Variants in MELTF observed in about 807,000 individuals in gnomAD.
MELTF encodes the protein antigen p97 (melanoma associated) identified by monoclonal antibodies 133.2 and 96.5.
In MELTF, 67 loss-of-function variants were observed where a neutral mutation model predicts 83.7. The ratio of observed to expected loss-of-function variants is 0.80; its 90% CI spans 0.66 to 0.98. MELTF has a LOEUF of 0.98. Among genes scored for constraint, MELTF ranks in the 50% least tolerant of loss-of-function variants. The probability of loss-of-function intolerance (pLI) is 0.00; values close to 1 mark genes in which losing one functional copy is unlikely to be tolerated. For synonymous variants in MELTF, 462 were observed against 447.6 expected, an observed-to-expected ratio of 1.03 and a Z score of -0.41; for missense variants, 1,002 against 1,035.6, an observed-to-expected ratio of 0.97 and a Z score of 0.44.
rs1280178585 is a variant in MELTF, at chr3:197,007,902, C to T, written c.1750+755G>A. On this transcript the variant is annotated intron_variant, in intron 13 of 15. Coordinates refer to ENST00000296350, the MANE Select transcript of MELTF (RefSeq NM_005929.6). This position sits in a 1 kb window ranked among gnomAD's most constrained non-coding sequence, Gnocchi z 4.3. ...TCTATAGGAGGAGACATGTTGGGAG[C>T]GAGTGGAGAAGACTGGGCCTCCAGC... Among the ~76,000 whole-genome samples, 2 of 152,124 alleles carry T rather than the reference C, an allele frequency of 1.3e-5. No homozygotes were observed. Among genetic ancestry groups the T allele is most frequent in the Admixed American group, 6.5e-5 (1 of 15,288 alleles).
rs920931154 is a variant in MELTF, at chr3:197,018,919, C to T, written c.713-1629G>A. 14 of 983,826 alleles carry T rather than the reference C, an allele frequency of 1.4e-5. No homozygotes were observed. In the South Asian group the frequency reaches 1.9e-4, roughly 13 times the overall value. 60.9% of individuals were successfully genotyped at this position (983,826 alleles called of 1,614,324 possible). A position where few individuals can be genotyped will look rare whatever the true frequency, so the allele number is the denominator to read the frequency against. On this transcript the variant is annotated intron_variant, in intron 6 of 15. Coordinates refer to ENST00000296350, the MANE Select transcript of MELTF (RefSeq NM_005929.6). ...ACACCAAACAGGGATATTGAGAAGA[C>T]GAATATTAAGGACTATAATTAAACC...
At chr3:197,019,000 C>T (rs1325559091) in intron 6 of MELTF, 27 of 985,166 alleles carry the variant, frequency 2.7e-5, no homozygotes, top group Admixed American at 6.2e-5. Context: ...AGGAAAAAAA[C>T]CTCTACAAGG....
Position 197,015,398 on chromosome 3 carries a change from G to C in MELTF, c.1200C>G (p.Ala400=), listed in dbSNP as rs886435220. Residue 400 remains alanine, a synonymous_variant, in exon 9 of 16, where the codon GCC becomes GCG. Coordinates refer to ENST00000296350, the MANE Select transcript of MELTF (RefSeq NM_005929.6). The part of the protein sequence containing the change: ...RLKPEIQCVS[A]KSPQHCMERI... ...GCTCCATGCAGTGTTGGGGGGACTT[G>C]GCTGACACGCACTGGATCTCTGGCT... is the stretch of plus-strand genomic sequence containing the variant. 5 of 1,580,168 alleles carry C rather than the reference G, an allele frequency of 3.2e-6. No individual in the cohort carries two copies. The highest frequency in any genetic ancestry group is 4.3e-6 in the Non-Finnish European group (5 of 1,163,678).
At position 197,006,861 on chromosome 3, in the gene MELTF, C is replaced by G. The variant is rs940061622; in HGVS notation, c.1751-125G>C. ...AGGTGGCAACATCTGGCCAGCTCCC[C>G]AACCCTCTCCATTCTCCACGTGCTC... On this transcript the variant is annotated intron_variant, in intron 13 of 15. Coordinates refer to ENST00000296350, the MANE Select transcript of MELTF (RefSeq NM_005929.6). The surrounding 1 kb of genome is among the most constrained non-coding windows in gnomAD (Gnocchi z 5.4). 1.1e-5 allele frequency: 9 copies of G among 820,196 alleles called. No individual in the cohort carries two copies. The highest frequency in any genetic ancestry group is 1.6e-5 in the Non-Finnish European group (9 of 570,148). The allele number at this position is 820,196 out of a possible 1,614,324, so 50.8% of individuals were successfully genotyped here.
chr3:197,006,459 G>T lies in MELTF; in HGVS notation c.1938+90C>A. The T allele has an allele frequency of 3.4e-6, 4 of 1,181,912 alleles. No homozygotes were observed. The Admixed American group carries it at 9.2e-5, about 27-fold the overall frequency. The allele number at this position is 1,181,912 out of a possible 1,614,324, so 73.2% of individuals were successfully genotyped here. A position where few individuals can be genotyped will look rare whatever the true frequency, so the allele number is the denominator to read the frequency against. Reference sequence around the variant, plus strand: ...CCCCCGGGCTTCCTCAATTTCTCTAGAGGTCTGCTCCAGGTAGACTGAGGC... The same window carrying T: ...CCCCCGGGCTTCCTCAATTTCTCTATAGGTCTGCTCCAGGTAGACTGAGGC... On this transcript the variant is annotated intron_variant, in intron 14 of 15. Coordinates refer to ENST00000296350, the MANE Select transcript of MELTF (RefSeq NM_005929.6). The surrounding 1 kb of genome is among the most constrained non-coding windows in gnomAD (Gnocchi z 5.4).
At position 197,011,856 on chromosome 3, in the gene MELTF, T is replaced by G. The variant is rs2148581600; in HGVS notation, c.1234-1062A>C. ...GGGGTTCTGAGGAGCCCCTGAAGTC[T>G]CTCCTCTTCCTGCAGGCCCCAGGGC... On this transcript the variant is annotated intron_variant, in intron 9 of 15. Coordinates refer to ENST00000296350, the MANE Select transcript of MELTF (RefSeq NM_005929.6). This position sits in a 1 kb window ranked among gnomAD's most constrained non-coding sequence, Gnocchi z 4.2. 2.6e-5 allele frequency among the ~76,000 whole-genome samples: 4 copies of G among 152,110 alleles called. No individual in the cohort carries two copies. The Middle Eastern group carries it at 0.014, about 521-fold the overall frequency.
intron 6 of MELTF, chr3:197,018,869 A>G: frequency 8.7e-6 from 8 of 923,344 alleles, no homozygotes; most frequent in Non-Finnish European, 1.0e-5. Context: ...TCGATAGAAA[A>G]GAAAATTTGC....
chr3:197,018,946 C>T, intron 6 of MELTF: 3 of 985,274 alleles, frequency 3.0e-6, no homozygotes, highest in Non-Finnish European at 3.6e-6. Flanking sequence ...AATTAAACCA[C>T]AGATGGTCCC....
In MELTF at chr3:197,001,941, A is replaced by C. The variant is rs2108945698; in HGVS notation, c.*1431T>G. 1 of 151,940 alleles carries C rather than the reference A, an allele frequency of 6.6e-6. No homozygotes were observed. Among genetic ancestry groups the C allele is most frequent in the Middle Eastern group, 3.4e-3 (1 of 294 alleles). 9.4% of individuals were successfully genotyped at this position (151,940 alleles called of 1,614,324 possible). A position where few individuals can be genotyped will look rare whatever the true frequency, so the allele number is the denominator to read the frequency against. On this transcript the variant is annotated 3_prime_UTR_variant, in exon 16 of 16. Transcript: ENST00000296350. ...CCCAGAGTTAGCCACACAGAAACAC[A>C]CTTCTCACCGCACAAAACTCCCTTT...
At chr3:197,017,697 G>A (rs941478846) in intron 6 of MELTF, among the ~76,000 whole-genome samples, 1 of 152,068 alleles carries the variant, frequency 6.6e-6, no homozygotes, top group East Asian at 1.9e-4. Flanking sequence ...CTAACACGGT[G>A]AAACCCCATC....
At position 197,022,383 on chromosome 3, in the gene MELTF, G is replaced by A. The variant is rs574567454; in HGVS notation, c.644+574C>T. On this transcript the variant is annotated intron_variant, in intron 5 of 15. Transcript: ENST00000296350. This position sits in a 1 kb window ranked among gnomAD's most constrained non-coding sequence, Gnocchi z 5.1. ...GTTTCTTCTCTCTAAGCCGAAAACC[G>A]CATCCAGTCAGATAACATCTGGAGT... 2.6e-5 allele frequency among the ~76,000 whole-genome samples: 4 copies of A among 152,308 alleles called. No homozygotes were observed. Among genetic ancestry groups the A allele is most frequent in the South Asian group, 2.1e-4 (1 of 4,826 alleles).
chr3:197,010,869 G>T, intron 9 of MELTF, 75 bp from the exon 10 acceptor site: 1 of 1,326,208 alleles, frequency 7.5e-7, no homozygotes, highest in Non-Finnish European at 1.1e-6. Flanking sequence ...CTGTGGAGGT[G>T]GCAGGGCCTG....
intron 2 of MELTF, chr3:197,027,078 AC>A: frequency 3.0e-6 from 1 of 337,664 alleles, no homozygotes. Flanking sequence ...CTGTCCCTCC[AC>A]CCTGCGCCTC....
intron 8 of MELTF, 40 bp from the exon 9 acceptor site, chr3:197,015,556 C>T (rs1250576384): frequency 2.5e-6 from 4 of 1,583,822 alleles, no homozygotes; most frequent in Non-Finnish European, 2.6e-6. Flanking sequence ...CAGGCCAGTA[C>T]TGCCATGGAA....
At position 197,016,351 on chromosome 3, in the gene MELTF, C is replaced by T; in HGVS notation, c.919G>A (p.Gly307Ser). Residue 307 changes from glycine (G) to serine (S), a missense_variant, in exon 8 of 16, where the codon GGC (glycine) becomes AGC (serine). Transcript: ENST00000296350. ...GAGCTGAACATCTGGAAGCTGCTGC[C>T]CTCGTGGCTGAACAGACGCTGTGTG... ...NEGQRLFSHE[G>S]SSFQMFSSEA... 1 of 1,597,830 alleles carries T rather than the reference C, an allele frequency of 6.3e-7. No homozygotes were observed. The highest frequency in any genetic ancestry group is 1.7e-4 in the Middle Eastern group (1 of 5,994).
Position 197,022,249 on chromosome 3 carries a change from C to T in MELTF, c.644+708G>A, listed in dbSNP as rs937961596. Among the ~76,000 whole-genome samples the T allele has an allele frequency of 1.1e-3, 162 of 152,098 alleles. No homozygotes were observed. Among genetic ancestry groups the T allele is most frequent in the Non-Finnish European group, 3.1e-4 (21 of 68,034 alleles). On this transcript the variant is annotated intron_variant, in intron 5 of 15. Coordinates refer to ENST00000296350, the MANE Select transcript of MELTF (RefSeq NM_005929.6). This position sits in a 1 kb window ranked among gnomAD's most constrained non-coding sequence, Gnocchi z 5.1. ...GATTAGAGCAGATCGGGGCGGGCGACATCAGGAGAGGGCTCTGAGGCTCCA... is the reference window on the plus strand; with the variant it reads ...GATTAGAGCAGATCGGGGCGGGCGATATCAGGAGAGGGCTCTGAGGCTCCA...
Position 197,008,620 on chromosome 3 carries a change from C to T in MELTF, c.1750+37G>A. 1 of 1,597,722 alleles carries T rather than the reference C, an allele frequency of 6.3e-7. No individual in the cohort carries two copies. The highest frequency in any genetic ancestry group is 1.3e-5 in the African/African-American group (1 of 74,870). On this transcript the variant is annotated intron_variant, in intron 13 of 15. Coordinates refer to ENST00000296350, the MANE Select transcript of MELTF (RefSeq NM_005929.6). This position sits in a 1 kb window ranked among gnomAD's most constrained non-coding sequence, Gnocchi z 5.4. The stretch of plus-strand genomic sequence containing the variant: ...GTGCTGAAGATGGGGAACAGTCCCC[C>T]CGACCTACCTTTGGCCCTGCTCTTG...
chr3:197,025,103 G>A (rs1422082233), intron 3 of MELTF, among the ~76,000 whole-genome samples: 1 of 152,232 alleles, frequency 6.6e-6, no homozygotes, highest in Non-Finnish European at 1.5e-5. Flanking sequence ...CTTGCAAAGC[G>A]TTCCCCTGTG....
Position 197,009,755 on chromosome 3 carries a change from T to C in MELTF, c.1388A>G (p.His463Arg), listed in dbSNP as rs752979139. Residue 463 changes from histidine (H) to arginine (R), a missense_variant, in exon 11 of 16, where the codon CAC (histidine) becomes CGC (arginine). By Grantham distance (29) the His-to-Arg change is conservative (BLOSUM62 0). Transcript: ENST00000296350. ...VVAVVRRDSS[H>R]AFTLDELRGK... ...CCGAAGCTCATCCAAGGTGAAGGCG[T>C]GGGAGCTGTCCCGTCTCACCACGGC... 3 of 1,613,376 alleles carry C rather than the reference T, an allele frequency of 1.9e-6. No individual in the cohort carries two copies. In the African/African-American group the frequency reaches 4.0e-5, roughly 22 times the overall value.
Sources: allele counts gnomAD v4.1 joint callset (sites outside exome capture counted in the v4.1 genomes callset), GRCh38; gene constraint gnomAD v4.1.1; non-coding constraint Gnocchi (gnomAD v3.1); transcripts MANE v1.5; gene names NCBI Gene and HGNC (gene_info 2026-07-23, HGNC 2026-07-21).